The following SMAD6 variants were observed in gnomAD, a reference collection of about 807,000 sequenced individuals.
The protein encoded by SMAD6 is MAD homolog 6.
Under a neutral mutation model 39.4 loss-of-function variants are expected in SMAD6, and 103 were observed. That is an observed-to-expected ratio of 2.62 (90% CI 2.23 to 3.08). SMAD6 has a LOEUF of 3.08. Among genes scored for constraint, SMAD6 ranks in the 30% most tolerant of loss-of-function variants. The probability of loss-of-function intolerance (pLI) is 0.00; values close to 1 mark genes in which losing one functional copy is unlikely to be tolerated. For synonymous variants in SMAD6, 445 were observed against 353.3 expected, an observed-to-expected ratio of 1.26 and a Z score of -2.91; for missense variants, 1,104 against 742.9, an observed-to-expected ratio of 1.49 and a Z score of -5.65.
At chr15:66,714,136 A>G (rs1893282687) in intron 2 of SMAD6, among the ~76,000 whole-genome samples, 1 of 152,232 alleles carries the variant, frequency 6.6e-6, no homozygotes, top group South Asian at 2.1e-4. Context: ...TTAGCACCTC[A>G]GTTTGAATGT....
At chr15:66,730,704 G>C (rs1205903342) in intron 3 of SMAD6, among the ~76,000 whole-genome samples, 1 of 152,246 alleles carries the variant, frequency 6.6e-6, no homozygotes, top group African/African-American at 2.4e-5. Context: ...ACAGATGGCA[G>C]ACACTGTGCT....
intron 3 of SMAD6, among the ~76,000 whole-genome samples, chr15:66,767,281 A>G (rs1308890573): frequency 2.6e-5 from 4 of 152,200 alleles, no homozygotes; most frequent in Non-Finnish European, 5.9e-5. Flanking sequence ...ATCAATGAGG[A>G]TAGAACTGCC....
chr15:66,703,814 C>A lies in SMAD6; in HGVS notation c.556C>A (p.Arg186Ser). ...TYSLLKRLKE[R>S]SLDTLLEAVE... ...CTCGCTGCTGAAGCGGCTCAAGGAG[C>A]GCTCGCTGGACACGCTGCTGGAGGC... is the stretch of plus-strand genomic sequence containing the variant. The change falls in exon 1 of 4, where the codon CGC becomes AGC. Residue 186 changes from arginine (R) to serine (S), a missense_variant. Transcript: ENST00000288840. 2 of 1,428,142 alleles carry A rather than the reference C, an allele frequency of 1.4e-6. No homozygotes were observed. Among genetic ancestry groups the A allele is most frequent in the East Asian group, 3.2e-5 (1 of 31,196 alleles). The allele number at this position is 1,428,142 out of a possible 1,614,324, so 88.5% of individuals were successfully genotyped here.
Position 66,747,451 on chromosome 15 carries a change from C to T in SMAD6, c.952+30953C>T, listed in dbSNP as rs981876050. On this transcript the variant is annotated intron_variant, in intron 3 of 3. Transcript: ENST00000288840. The surrounding 1 kb of genome is among the most constrained non-coding windows in gnomAD (Gnocchi z 4.5). Reference sequence around the variant, plus strand: ...CTCCTCCCGGCTGGTCTTTGTGGGCCCTGGCCCCCTTCTCTTCTGGGTGTT... The same window carrying T: ...CTCCTCCCGGCTGGTCTTTGTGGGCTCTGGCCCCCTTCTCTTCTGGGTGTT... Among the ~76,000 whole-genome samples, 2 of 152,248 alleles carry T rather than the reference C, an allele frequency of 1.3e-5. No individual in the cohort carries two copies. Among genetic ancestry groups the T allele is most frequent in the African/African-American group, 4.8e-5 (2 of 41,458 alleles).
At chr15:66,723,995 G>A (rs1396289413) in intron 3 of SMAD6, among the ~76,000 whole-genome samples, 2 of 152,214 alleles carry the variant, frequency 1.3e-5, no homozygotes, top group Non-Finnish European at 2.9e-5. Context: ...TCACCAAGAG[G>A]ACAACAGGCT....
At chr15:66,704,488 T>G in intron 1 of SMAD6, 2 of 163,512 alleles carry the variant, frequency 1.2e-5, no homozygotes, top group Non-Finnish European at 2.6e-5. Flanking sequence ...CACGTGCCCT[T>G]ACCCACACTG....
rs1246622781 is a variant in SMAD6 at position 66,767,560 on chromosome 15, CAG to C, written c.953-13433_953-13432del. On this transcript the variant is annotated intron_variant, in intron 3 of 3. Transcript: ENST00000288840. ...ACTTGCCTGCACAGTAGCACAGTCACAGAGAATAGACGGGTGGCCATGGCAGA... is the reference window on the plus strand; with the variant it reads ...ACTTGCCTGCACAGTAGCACAGTCACAGAATAGACGGGTGGCCATGGCAGA... Among the ~76,000 whole-genome samples the C allele has an allele frequency of 3.3e-5, 5 of 152,164 alleles. No homozygotes were observed. The South Asian group carries it at 6.2e-4, about 19-fold the overall frequency.
intron 3 of SMAD6, among the ~76,000 whole-genome samples, chr15:66,730,280 TTC>T (rs1176243301): frequency 6.6e-6 from 1 of 152,168 alleles, no homozygotes; most frequent in Admixed American, 6.5e-5. Flanking sequence ...GTTCCTCTCT[TTC>T]TGACAGCTTC....
At chr15:66,712,036 G>A (rs1893242210) in intron 2 of SMAD6, among the ~76,000 whole-genome samples, 1 of 152,220 alleles carries the variant, frequency 6.6e-6, no homozygotes. Context: ...CACCGGAGGT[G>A]GGTTGGCATT....
chr15:66,727,547 G>A lies in SMAD6; in HGVS notation c.952+11049G>A, dbSNP rs1043993804. ...TTAGGAAACTGTTGGGCAAAGGCAG[G>A]AAGATGTGAGGACACTTGTTCTGGG... On this transcript the variant is annotated intron_variant, in intron 3 of 3. Transcript: ENST00000288840. Among the ~76,000 whole-genome samples, 5 of 152,188 alleles carry A rather than the reference G, an allele frequency of 3.3e-5. No individual in the cohort carries two copies. The East Asian group carries it at 9.6e-4, about 29-fold the overall frequency.
chr15:66,703,215 C>T lies in SMAD6; in HGVS notation c.-44C>T, dbSNP rs138443554. 25,883 of 1,318,380 alleles carry T rather than the reference C, an allele frequency of 0.02. 333 individuals carry two copies. The highest frequency in any genetic ancestry group is 0.022 in the Non-Finnish European group (22,808 of 1,020,382). The allele number at this position is 1,318,380 out of a possible 1,614,324, so 81.7% of individuals were successfully genotyped here. ...CGCTGAGGGAACGGACCCCCGGTAA[C>T]CGGAGACCGCCTCCCCCCCACCCCT... On this transcript the variant is annotated 5_prime_UTR_variant, in exon 1 of 4. Coordinates refer to ENST00000288840, the MANE Select transcript of SMAD6 (RefSeq NM_005585.5).
chr15:66,764,736 T>C (rs1200583028), intron 3 of SMAD6, among the ~76,000 whole-genome samples: 1 of 152,160 alleles, frequency 6.6e-6, no homozygotes, highest in African/African-American at 2.4e-5. Flanking sequence ...ACCACGTAAG[T>C]GTTCGTCCTT....
rs1248038234 is a variant in SMAD6 at position 66,718,118 on chromosome 15, G to GTGTA, written c.952+1623_952+1624insATGT. Among the ~76,000 whole-genome samples, 26 of 145,154 alleles carry GTGTA rather than the reference G, an allele frequency of 1.8e-4. 1 individual carries two copies. The South Asian group carries it at 4.7e-3, about 26-fold the overall frequency. ...TGTTAATGATGGAAAGTCCGTGTGTGTGTGTGTGTGTGTGTGTGTGTGTGT... is the reference window on the plus strand; with the variant it reads ...TGTTAATGATGGAAAGTCCGTGTGTGTGTATGTGTGTGTGTGTGTGTGTGTGTGT... On this transcript the variant is annotated intron_variant, in intron 3 of 3. Coordinates refer to ENST00000288840, the MANE Select transcript of SMAD6 (RefSeq NM_005585.5).
intron 3 of SMAD6, among the ~76,000 whole-genome samples, chr15:66,765,678 G>A (rs1182722388): frequency 1.3e-5 from 2 of 152,306 alleles, no homozygotes; most frequent in East Asian, 3.9e-4. Flanking sequence ...CCATTTCACA[G>A]ACAAGAGAAA....
chr15:66,758,073 C>T (rs1366063093), intron 3 of SMAD6, among the ~76,000 whole-genome samples: 2 of 152,152 alleles, frequency 1.3e-5, no homozygotes, highest in South Asian at 2.1e-4. Flanking sequence ...TGTGTGTCTG[C>T]GGGTGGACGC....
chr15:66,779,805 A>G (rs911114209), intron 3 of SMAD6, among the ~76,000 whole-genome samples: 1 of 152,238 alleles, frequency 6.6e-6, no homozygotes, highest in African/African-American at 2.4e-5. Flanking sequence ...CCCAGGCCAG[A>G]GACCTGTGTG....
At chr15:66,759,419 G>A (rs1458072687) in intron 3 of SMAD6, among the ~76,000 whole-genome samples, 1 of 152,174 alleles carries the variant, frequency 6.6e-6, no homozygotes, top group East Asian at 1.9e-4. Context: ...GGTACAAGTA[G>A]CTTTTGGTTA....
intron 3 of SMAD6, among the ~76,000 whole-genome samples, chr15:66,725,122 ACTT>A (rs954351990): frequency 1.1e-4 from 16 of 152,322 alleles, no homozygotes; most frequent in South Asian, 6.2e-4. Flanking sequence ...GCCAAGAGCT[ACTT>A]CTTTGATGCA....
chr15:66,762,678 G>A (rs1894221237), intron 3 of SMAD6, among the ~76,000 whole-genome samples: 1 of 152,056 alleles, frequency 6.6e-6, no homozygotes, highest in African/African-American at 2.4e-5. Context: ...AGGAAAGAGG[G>A]CTGAACTCAG....
Sources: allele counts gnomAD v4.1 joint callset (sites outside exome capture counted in the v4.1 genomes callset), GRCh38; gene constraint gnomAD v4.1.1; non-coding constraint Gnocchi (gnomAD v3.1); transcripts MANE v1.5; gene names NCBI Gene and HGNC (gene_info 2026-07-23, HGNC 2026-07-21).